Variants in TXNDC11 observed in about 807,000 individuals in gnomAD.
TXNDC11 encodes the protein thioredoxin domain containing 11, also known as thioredoxin domain-containing protein 11.
A neutral mutation model predicts 78.0 loss-of-function variants in TXNDC11; 68 were observed. That is an observed-to-expected ratio of 0.87 (90% CI 0.72 to 1.07). The LOEUF (loss-of-function observed/expected upper bound fraction) is 1.07. Among genes scored for constraint, TXNDC11 ranks in the 50% least tolerant of loss-of-function variants. The probability of loss-of-function intolerance (pLI) is 0.00; values close to 1 mark genes in which losing one functional copy is unlikely to be tolerated. For missense variants in TXNDC11, 1,389 were observed against 1,221.8 expected (o/e 1.14, Z -2.04); for synonymous variants, 571 against 495.2 (o/e 1.15, Z -2.03).
At chr16:11,710,873 A>G (rs58009905) in intron 5 of TXNDC11, among the ~76,000 whole-genome samples, 5,751 of 152,234 alleles carry the variant, frequency 0.038, 376 homozygotes, top group African/African-American at 0.13. Flanking sequence ...GCCCCTGTCT[A>G]TCTATGCTTA....
chr16:11,736,036 G>C lies in TXNDC11; in HGVS notation c.452C>G (p.Ala151Gly), dbSNP rs1487394954. The C allele has an allele frequency of 3.7e-6, 6 of 1,613,912 alleles. No individual in the cohort carries two copies. Among genetic ancestry groups the C allele is most frequent in the South Asian group, 2.2e-5 (2 of 91,082 alleles). Residue 151 changes from alanine to glycine, a missense_variant, in exon 2 of 12, where the codon GCA becomes GGA. Transcript: ENST00000283033. ...IAARAEIEQA[A>G]SRLSDQVLFV... ...CATTACCTGATCTGAAAGCCGACTT[G>C]CTGCTTGCTCAATTTCTGCCCTGGC...
At chr16:11,724,730 C>G (rs146068711) in intron 4 of TXNDC11, among the ~76,000 whole-genome samples, 142 of 152,276 alleles carry the variant, frequency 9.3e-4, no homozygotes, top group Middle Eastern at 3.4e-3. Context: ...ACTGGAGTAA[C>G]TGAAGTAAGT....
At chr16:11,683,389 C>T (rs574996549) in intron 11 of TXNDC11, among the ~76,000 whole-genome samples, 2 of 152,230 alleles carry the variant, frequency 1.3e-5, no homozygotes, top group East Asian at 1.9e-4. Context: ...TCCTGGAATC[C>T]GAGAAAAGGA....
rs1360373447 is a variant in TXNDC11, at chr16:11,713,133, G to T, written c.793+8444C>A. 5.3e-5 allele frequency among the ~76,000 whole-genome samples: 7 copies of T among 132,258 alleles called. No homozygotes were observed. In the Admixed American group the frequency reaches 5.7e-4, roughly 11 times the overall value. The allele number at this position is 132,258 out of a possible 152,430, so 86.8% of individuals were successfully genotyped here. On this transcript the variant is annotated intron_variant, in intron 5 of 11. Transcript: ENST00000283033. ...AGGAAAAAAAAAAAAAAAAAAAATT[G>T]CCAGGTTGCCAGGCGTGGTGGTGCA... is the stretch of plus-strand genomic sequence containing the variant.
At chr16:11,713,108 AG>A (rs1203122618) in intron 5 of TXNDC11, among the ~76,000 whole-genome samples, 5 of 66,740 alleles carry the variant, frequency 7.5e-5, no homozygotes, top group Admixed American at 7.4e-4. Context: ...ACTCTGTCTC[AG>A]GAAAAAAAAA....
At chr16:11,692,150 G>A (rs1480153785) in intron 7 of TXNDC11, 68 bp from the exon 8 acceptor site, 14 of 1,264,426 alleles carry the variant, frequency 1.1e-5, no homozygotes, top group South Asian at 3.2e-5. Flanking sequence ...CGTTAGCCAC[G>A]TTTCACTTTC....
At chr16:11,723,398 G>A (rs948474904) in intron 4 of TXNDC11, among the ~76,000 whole-genome samples, 2 of 151,956 alleles carry the variant, frequency 1.3e-5, no homozygotes, top group African/African-American at 2.4e-5. Flanking sequence ...CAGCCTGGCC[G>A]ATATGGTGGA....
chr16:11,685,461 C>T (rs933773025), intron 10 of TXNDC11, among the ~76,000 whole-genome samples: 21 of 151,870 alleles, frequency 1.4e-4, no homozygotes, highest in East Asian at 3.9e-4. Context: ...CTGGCTAACG[C>T]GGTGAAACGC....
chr16:11,679,276 C>G lies in TXNDC11; in HGVS notation c.2796G>C (p.Gln932His), dbSNP rs143847447. 4,322 of 1,612,930 alleles carry G rather than the reference C, an allele frequency of 2.7e-3. 12 individuals carry two copies. The highest frequency in any genetic ancestry group is 0.017 in the Middle Eastern group (102 of 6,058). Residue 932 changes from glutamine (Q) to histidine (H), a missense_variant, in exon 12 of 12, where the codon CAG becomes CAC. Physicochemically the swap from Gln to His is conservative, Grantham distance 24. Coordinates refer to ENST00000283033, the MANE Select transcript of TXNDC11 (RefSeq NM_015914.7). This position sits in a 1 kb window ranked among gnomAD's most constrained non-coding sequence, Gnocchi z 4.6. ...PKQPEPSATP[Q>H]LPGSSPPPAN... ...CAGGTGGAGGGGAGCTGCCAGGGAG[C>G]TGGGGGGTGGCTGAGGGCTCAGGCT...
intron 4 of TXNDC11, among the ~76,000 whole-genome samples, chr16:11,722,297 C>G (rs529595207): frequency 3.3e-5 from 5 of 152,164 alleles, no homozygotes; most frequent in African/African-American, 9.7e-5. Context: ...CTCCTCCACC[C>G]TACACATTCA....
At chr16:11,684,648 A>G (rs928976744) in intron 10 of TXNDC11, among the ~76,000 whole-genome samples, 1 of 148,974 alleles carries the variant, frequency 6.7e-6, no homozygotes, top group African/African-American at 2.4e-5. Flanking sequence ...TACCCTCTTT[A>G]TGTTGTAAAT....
chr16:11,737,436 A>G (rs2052257117), intron 1 of TXNDC11, among the ~76,000 whole-genome samples: 1 of 151,340 alleles, frequency 6.6e-6, no homozygotes, highest in African/African-American at 2.4e-5. Flanking sequence ...CTAGAACAAA[A>G]CTCCATCTAA....
chr16:11,679,840 G>A lies in TXNDC11; in HGVS notation c.2235-3C>T, dbSNP rs1192552405. 1.9e-5 allele frequency: 31 copies of A among 1,602,160 alleles called. No individual in the cohort carries two copies. The East Asian group carries it at 6.5e-4, about 34-fold the overall frequency. On this transcript the variant is annotated splice_region_variant and splice_polypyrimidine_tract_variant and intron_variant, in intron 11 of 11. Transcript: ENST00000283033. This position sits in a 1 kb window ranked among gnomAD's most constrained non-coding sequence, Gnocchi z 4.6. ...GGTATTTCACACTTAGGTCCTTTCT[G>A]GAGAGAGAGGGAAAGGAAGCAAAGA...
intron 5 of TXNDC11, among the ~76,000 whole-genome samples, chr16:11,715,363 CT>C (rs1210893870): frequency 1.3e-5 from 2 of 151,664 alleles, no homozygotes; most frequent in African/African-American, 4.8e-5. Context: ...GTAGTTCTAG[CT>C]ACTCAGAAGG....
intron 5 of TXNDC11, among the ~76,000 whole-genome samples, chr16:11,703,434 T>C (rs1353699674): frequency 6.6e-6 from 1 of 151,670 alleles, no homozygotes; most frequent in Non-Finnish European, 1.5e-5. Context: ...TATATATTAA[T>C]AAGAGAAGGC....
chr16:11,682,914 G>A (rs1227978373), intron 11 of TXNDC11, among the ~76,000 whole-genome samples: 1 of 152,140 alleles, frequency 6.6e-6, no homozygotes, highest in African/African-American at 2.4e-5. Context: ...TAGATATGAA[G>A]GAAACACTCT....
intron 5 of TXNDC11, among the ~76,000 whole-genome samples, chr16:11,717,472 C>T (rs1597466468): frequency 1.5e-5 from 2 of 130,166 alleles, no homozygotes; most frequent in Admixed American, 7.7e-5. Flanking sequence ...AGAGATTTAA[C>T]TTTTTTTTAA....
chr16:11,691,627 G>A lies in TXNDC11; in HGVS notation c.1563C>T (p.Asp521=), dbSNP rs747720329. 1 of 1,614,206 alleles carries A rather than the reference G, an allele frequency of 6.2e-7. No individual in the cohort carries two copies. The highest frequency in any genetic ancestry group is 2.2e-5 in the East Asian group (1 of 44,888). The change falls in exon 8 of 12, where the codon GAC becomes GAT. Residue 521 remains aspartate, a synonymous_variant. Coordinates refer to ENST00000283033, the MANE Select transcript of TXNDC11 (RefSeq NM_015914.7). ...GGGCTTCAAAGACACCTTGTTCAGA[G>A]TCGATGAAGCCTGACACACCCCTGC... ...TISRGVSGFI[D]SEQGVFEAPT...
At chr16:11,742,336 G>A in intron 1 of TXNDC11, 141 bp downstream of exon 1, 3 of 608,276 alleles carry the variant, frequency 4.9e-6, no homozygotes, top group Non-Finnish European at 7.5e-6. Flanking sequence ...CGTGGCCGCA[G>A]GTTCCGGGAG....
Sources: allele counts gnomAD v4.1 joint callset (sites outside exome capture counted in the v4.1 genomes callset), GRCh38; gene constraint gnomAD v4.1.1; non-coding constraint Gnocchi (gnomAD v3.1); transcripts MANE v1.5; gene names NCBI Gene and HGNC (gene_info 2026-07-23, HGNC 2026-07-21).